The following ATF7IP variants were observed in gnomAD, a reference collection of about 807,000 sequenced individuals.
ATF7IP encodes the protein activating transcription factor 7 interacting protein.
A neutral mutation model predicts 106.4 loss-of-function variants in ATF7IP; 23 were observed. The observed-to-expected ratio is 0.22, with a 90% CI of 0.16 to 0.31. The LOEUF (loss-of-function observed/expected upper bound fraction) is 0.31, where lower values mean the gene tolerates loss of function less well. Among genes scored for constraint, ATF7IP ranks in the 10% least tolerant of loss-of-function variants. The pLI is 1.00. For missense variants in ATF7IP, 1,334 were observed against 1,524.3 expected (o/e 0.88, Z 2.08); for synonymous variants, 542 against 539.0 (o/e 1.01, Z -0.08).
At chr12:14,406,390 C>T (rs551983678) in intron 1 of ATF7IP, among the ~76,000 whole-genome samples, 57 of 152,076 alleles carry the variant, frequency 3.7e-4, no homozygotes, top group African/African-American at 1.2e-3. Flanking sequence ...AGAGCCACCG[C>T]GCCTGGCCTG....
chr12:14,456,589 G>A lies in ATF7IP; in HGVS notation c.2024G>A (p.Gly675Glu), dbSNP rs374172651. 1.9e-6 allele frequency: 3 copies of A among 1,612,156 alleles called. No individual in the cohort carries two copies. Among genetic ancestry groups the A allele is most frequent in the African/African-American group, 1.3e-5 (1 of 74,784 alleles). The change falls in exon 7 of 15, where the codon GGA becomes GAA. Residue 675 changes from glycine to glutamate, a missense_variant. This residue lies in a region of ATF7IP where 171 missense variants were observed against 172.6 expected (regional missense o/e 0.99). Transcript: ENST00000261168. ...EHPPNPPVSP[G>E]KTVNDVNSNN... ...CCACCCAACCCACCAGTATCACCAGGAAAAACTGTAAATGATGTCAACAGC... is the reference window on the plus strand; with the variant it reads ...CCACCCAACCCACCAGTATCACCAGAAAAAACTGTAAATGATGTCAACAGC...
chr12:14,456,552 C>G lies in ATF7IP; in HGVS notation c.1996-9C>G. 2 of 1,591,666 alleles carry G rather than the reference C, an allele frequency of 1.3e-6. No homozygotes were observed. The highest frequency in any genetic ancestry group is 1.7e-6 in the Non-Finnish European group (2 of 1,168,226). ...TTTATTTTTACCTTGATTTTTTTTT[C>G]TCCCCCAGCATCCACCCAACCCACC... On this transcript the variant is annotated splice_polypyrimidine_tract_variant and intron_variant, in intron 6 of 14. Coordinates refer to ENST00000261168, the MANE Select transcript of ATF7IP (RefSeq NM_018179.5).
Position 14,424,246 on chromosome 12 carries a change from C to T in ATF7IP, c.331C>T (p.Pro111Ser), listed in dbSNP as rs1306807202. 6.2e-7 allele frequency: 1 copy of T among 1,614,204 alleles called. No individual in the cohort carries two copies. The highest frequency in any genetic ancestry group is 1.7e-5 in the Admixed American group (1 of 60,030). The part of the protein sequence containing the change: ...NKQDDDLNCE[P>S]LSPHNITPEP... ...GCAGGATGATGATTTAAATTGTGAA[C>T]CTTTGTCTCCCCATAATATAACTCC... Residue 111 changes from proline to serine, a missense_variant, in exon 2 of 15, where the codon CCT (proline) becomes TCT (serine). By Grantham distance (74) the Pro-to-Ser change is moderately conservative (BLOSUM62 -1). Transcript: ENST00000261168.
At chr12:14,374,459 A>T (rs920399203) in intron 1 of ATF7IP, among the ~76,000 whole-genome samples, 1 of 151,910 alleles carries the variant, frequency 6.6e-6, no homozygotes, top group Non-Finnish European at 1.5e-5. Flanking sequence ...AGGTAAAAAG[A>T]TTGTGGTTGT....
intron 12 of ATF7IP, 78 bp from the exon 13 acceptor site, chr12:14,480,923 CAA>C: frequency 7.9e-7 from 1 of 1,259,634 alleles, no homozygotes; most frequent in Non-Finnish European, 1.1e-6. Flanking sequence ...AGATTTTATG[CAA>C]AGATAACTGC....
rs1339821212 is a variant in ATF7IP at position 14,483,369 on chromosome 12, T to TA, written c.3280+2184_3280+2185insA. The stretch of plus-strand genomic sequence containing the variant: ...CTCCGTTGTGGAGCAGTAGACTAAC[T>TA]TCTTCTTGGTAGTCCGGGACAGTCA... On this transcript the variant is annotated intron_variant, in intron 13 of 14. Transcript: ENST00000261168. Among the ~76,000 whole-genome samples the TA allele has an allele frequency of 2.0e-5, 3 of 152,302 alleles. No homozygotes were observed. The East Asian group carries it at 5.8e-4, about 29-fold the overall frequency.
intron 10 of ATF7IP, among the ~76,000 whole-genome samples, chr12:14,467,844 A>AAAT (rs10696125): frequency 1 from 152,256 of 152,292 alleles, 76,110 homozygotes; most frequent in Non-Finnish European, 1. Context: ...TCTTCAGTCA[A>AAAT]AACCCCATTT....
chr12:14,481,592 A>G lies in ATF7IP; in HGVS notation c.3280+407A>G, dbSNP rs193232630. On this transcript the variant is annotated intron_variant, in intron 13 of 14. Coordinates refer to ENST00000261168, the MANE Select transcript of ATF7IP (RefSeq NM_018179.5). ...GTATAACCAAAACTAATCTATTATT[A>G]TTTTTCTTCCCTTAGGAGAGTTAAA... 1.9e-5 allele frequency: 8 copies of G among 431,996 alleles called. No individual in the cohort carries two copies. The East Asian group carries it at 5.0e-4, about 27-fold the overall frequency. The allele number at this position is 431,996 out of a possible 1,614,324, so 26.8% of individuals were successfully genotyped here.
At chr12:14,388,500 C>T (rs1308804825) in intron 1 of ATF7IP, among the ~76,000 whole-genome samples, 1 of 152,050 alleles carries the variant, frequency 6.6e-6, no homozygotes, top group Non-Finnish European at 1.5e-5. Flanking sequence ...GCGCCCATCA[C>T]CACGCCCGGC....
Position 14,498,306 on chromosome 12 carries a change from C to T in ATF7IP, c.*233C>T, listed in dbSNP as rs768149344. ...TTTGGAAATGTAAATGTGTACCTTG[C>T]TTTAGTTTTGAGGCTGGGGAATATG... On this transcript the variant is annotated 3_prime_UTR_variant, in exon 15 of 15. Transcript: ENST00000261168. 9.0e-5 allele frequency: 40 copies of T among 444,260 alleles called. No individual in the cohort carries two copies. Among genetic ancestry groups the T allele is most frequent in the Middle Eastern group, 5.7e-4 (1 of 1,750 alleles). The allele number at this position is 444,260 out of a possible 1,614,324, so 27.5% of individuals were successfully genotyped here. A position where few individuals can be genotyped will look rare whatever the true frequency, so the allele number is the denominator to read the frequency against.
intron 6 of ATF7IP, among the ~76,000 whole-genome samples, chr12:14,452,381 GT>G (rs1438787260): frequency 6.6e-6 from 1 of 151,790 alleles, no homozygotes; most frequent in East Asian, 1.9e-4. Flanking sequence ...TTGTCATTTT[GT>G]TTTTTTCTCT....
At chr12:14,435,814 C>T (rs1162262828) in intron 3 of ATF7IP, among the ~76,000 whole-genome samples, 3 of 152,174 alleles carry the variant, frequency 2.0e-5, no homozygotes, top group African/African-American at 7.2e-5. Context: ...ATTTCATCTA[C>T]CTTCTTCATG....
intron 1 of ATF7IP, among the ~76,000 whole-genome samples, chr12:14,399,058 T>C (rs1224134281): frequency 4.6e-5 from 7 of 152,136 alleles, no homozygotes; most frequent in Admixed American, 3.3e-4. Context: ...ATAAATAACA[T>C]ATTTATTTTA....
At chr12:14,452,978 A>G (rs973086824) in intron 6 of ATF7IP, among the ~76,000 whole-genome samples, 1 of 152,170 alleles carries the variant, frequency 6.6e-6, no homozygotes, top group Non-Finnish European at 1.5e-5. Context: ...TGCCAGGTAT[A>G]GTATTCTTGA....
chr12:14,369,340 A>ATATTG (rs1480157459), intron 1 of ATF7IP: 1 of 151,916 alleles, frequency 6.6e-6, no homozygotes, highest in African/African-American at 2.4e-5. Flanking sequence ...TTGTATGTTT[A>ATATTG]TATTGTATTT....
intron 2 of ATF7IP, among the ~76,000 whole-genome samples, chr12:14,426,783 G>A (rs1188584065): frequency 2.4e-5 from 3 of 126,904 alleles, no homozygotes; most frequent in Non-Finnish European, 4.7e-5. Context: ...CCGAGATCGC[G>A]CCACTACTCC....
At chr12:14,408,908 C>T (rs2136490790) in intron 1 of ATF7IP, among the ~76,000 whole-genome samples, 1 of 152,070 alleles carries the variant, frequency 6.6e-6, no homozygotes, top group African/African-American at 2.4e-5. Context: ...TTCTTTTAGC[C>T]AATACTTAAT....
intron 9 of ATF7IP, 39 bp downstream of exon 9, chr12:14,461,172 A>G: frequency 6.4e-7 from 1 of 1,572,684 alleles, no homozygotes; most frequent in East Asian, 2.3e-5. Flanking sequence ...AAATGCAAGC[A>G]TCTTAATAGC....
intron 1 of ATF7IP, among the ~76,000 whole-genome samples, chr12:14,414,475 T>C (rs552916411): frequency 2.0e-5 from 3 of 152,342 alleles, no homozygotes; most frequent in African/African-American, 7.2e-5. Flanking sequence ...AATTTTGTTT[T>C]TCAGCTCATC....
Sources: allele counts gnomAD v4.1 joint callset (sites outside exome capture counted in the v4.1 genomes callset), GRCh38; gene constraint gnomAD v4.1.1; regional missense constraint gnomAD v4.1.1; transcripts MANE v1.5; gene names NCBI Gene and HGNC (gene_info 2026-07-23, HGNC 2026-07-21).